The following HMX1 variants were observed in gnomAD, a reference collection of about 807,000 sequenced individuals.
HMX1 encodes H6 family homeobox 1.
HMX1 carries 8 observed loss-of-function variants against 8.9 expected under a neutral mutation model. The ratio of observed to expected loss-of-function variants is 0.90; its 90% confidence interval spans 0.53 to 1.63. HMX1 has a LOEUF of 1.63. Among genes scored for constraint, HMX1 ranks in the 40% most tolerant of loss-of-function variants. The pLI, the probability that HMX1 is intolerant of heterozygous loss-of-function variation, is 0.00. For missense variants in HMX1, 621 were observed against 558.5 expected (o/e 1.11, Z -1.13); for synonymous variants, 311 against 283.4 (o/e 1.10, Z -0.98).
chr4:8,862,108 A>G (rs189992303), downstream of HMX1, among the ~76,000 whole-genome samples: 1,248 of 152,354 alleles, frequency 8.2e-3, 12 homozygotes, highest in South Asian at 0.02. Context: ...CGGAGGGGGC[A>G]CCACGACCAG....
chr4:8,858,357 G>A (rs1265336999), intron 1 of HMX1, among the ~76,000 whole-genome samples: 1 of 152,172 alleles, frequency 6.6e-6, no homozygotes, highest in Non-Finnish European at 1.5e-5. Flanking sequence ...GAGCGAGACA[G>A]ACACACCGAG....
chr4:8,857,294 G>GCC (rs561445656), intron 1 of HMX1, among the ~76,000 whole-genome samples: 139 of 152,270 alleles, frequency 9.1e-4, no homozygotes, highest in African/African-American at 3.2e-3. Flanking sequence ...CGCCAACCTC[G>GCC]CCCAGCCGGA....
intron 1 of HMX1, among the ~76,000 whole-genome samples, chr4:8,861,866 G>A (rs1449951203): frequency 6.6e-6 from 1 of 152,256 alleles, no homozygotes; most frequent in African/African-American, 2.4e-5. Flanking sequence ...GAAGTGCCCG[G>A]AAACCAAAGA....
At chr4:8,854,206 C>T (rs1721539832) in intron 1 of HMX1, among the ~76,000 whole-genome samples, 1 of 152,180 alleles carries the variant, frequency 6.6e-6, no homozygotes, top group South Asian at 2.1e-4. Context: ...TGCTACACCT[C>T]CAGGGAAGTG....
rs1193989748 is a variant in HMX1, at chr4:8,868,128, C to T, written c.612G>A (p.Lys204=). 5 of 1,513,820 alleles carry T rather than the reference C, an allele frequency of 3.3e-6. No individual in the cohort carries two copies. Among genetic ancestry groups the T allele is most frequent in the Admixed American group, 2.1e-5 (1 of 48,442 alleles). 93.8% of individuals were successfully genotyped at this position (1,513,820 alleles called of 1,614,324 possible). ...TGCGGGAGAAGACTGTGCGCGTCTTCTTCTTTCGGCCGCCGCCCACGCCAA... is the reference window on the plus strand; with the variant it reads ...TGCGGGAGAAGACTGTGCGCGTCTTTTTCTTTCGGCCGCCGCCCACGCCAA... ...GGVGVGGGRK[K]KTRTVFSRSQ... The change falls in exon 2 of 2, where the codon AAG becomes AAA. Residue 204 remains lysine, a synonymous_variant. Transcript: ENST00000400677. This position sits in a 1 kb window ranked among gnomAD's most constrained non-coding sequence, Gnocchi z 4.6.
intron 1 of HMX1, among the ~76,000 whole-genome samples, chr4:8,856,495 G>A (rs780296963): frequency 1.4e-4 from 21 of 152,064 alleles, no homozygotes; most frequent in Non-Finnish European, 2.9e-4. Flanking sequence ...CAGGGGAAGG[G>A]GAGGAAGAAG....
chr4:8,854,185 T>A (rs1721539274), intron 1 of HMX1, among the ~76,000 whole-genome samples: 1 of 151,358 alleles, frequency 6.6e-6, no homozygotes, highest in Non-Finnish European at 1.5e-5. Flanking sequence ...CAGTGGGGGG[T>A]CGACAGATCC....
intron 1 of HMX1, among the ~76,000 whole-genome samples, chr4:8,850,946 C>G (rs1721429803): frequency 2.0e-5 from 3 of 152,258 alleles, no homozygotes; most frequent in African/African-American, 7.2e-5. Context: ...CAGCTGCCCC[C>G]TTGGCCGGAC....
chr4:8,855,871 GGA>G (rs1172463962), intron 1 of HMX1, among the ~76,000 whole-genome samples: 1 of 152,186 alleles, frequency 6.6e-6, no homozygotes, highest in Non-Finnish European at 1.5e-5. Context: ...GGATCCAGCG[GGA>G]GCTGGAAAGA....
chr4:8,852,642 G>T (rs1445193414), intron 1 of HMX1, among the ~76,000 whole-genome samples: 3 of 152,216 alleles, frequency 2.0e-5, no homozygotes, highest in African/African-American at 7.2e-5. Flanking sequence ...CAGGTCACTG[G>T]TGCAGCTGAA....
intron 1 of HMX1, among the ~76,000 whole-genome samples, chr4:8,860,030 GGGCCAACGGCGGT>G (rs1560174819): frequency 6.6e-6 from 1 of 152,232 alleles, no homozygotes; most frequent in Non-Finnish European, 1.5e-5. Context: ...AGCCCCGACG[GGGCCAACGGCGGT>G]GCTGACAGCG....
downstream of HMX1, among the ~76,000 whole-genome samples, chr4:8,866,745 TCA>T (rs1440890401): frequency 1.3e-5 from 2 of 152,240 alleles, no homozygotes; most frequent in Non-Finnish European, 2.9e-5. Context: ...CCAGCGGCCA[TCA>T]GTGGGCCTCT....
In HMX1 at chr4:8,871,176, G is replaced by T; in HGVS notation, c.394+45C>A. The T allele has an allele frequency of 7.4e-7, 1 of 1,353,990 alleles. No individual in the cohort carries two copies. Among genetic ancestry groups the T allele is most frequent in the Non-Finnish European group, 9.5e-7 (1 of 1,053,258 alleles). The allele number at this position is 1,353,990 out of a possible 1,614,324, so 83.9% of individuals were successfully genotyped here. A position where few individuals can be genotyped will look rare whatever the true frequency, so the allele number is the denominator to read the frequency against. ...CCCCCAGCAAATGCGCAGGGAGGAA[G>T]TCGGGCCCCACCGCCTGACCCACCC... On this transcript the variant is annotated intron_variant, in intron 1 of 1. Coordinates refer to ENST00000400677, the MANE Select transcript of HMX1 (RefSeq NM_018942.3). This position sits in a 1 kb window ranked among gnomAD's most constrained non-coding sequence, Gnocchi z 4.8.
intron 1 of HMX1, among the ~76,000 whole-genome samples, chr4:8,854,875 T>C (rs1486770187): frequency 6.6e-6 from 1 of 152,238 alleles, no homozygotes; most frequent in Non-Finnish European, 1.5e-5. Flanking sequence ...TTCATTCTAC[T>C]TCCTAAAATG....
chr4:8,858,107 C>T (rs1321120635), intron 1 of HMX1, among the ~76,000 whole-genome samples: 2 of 151,974 alleles, frequency 1.3e-5, no homozygotes, highest in Non-Finnish European at 2.9e-5. Context: ...GGGCAGCAGG[C>T]CGACCGCCCC....
At chr4:8,855,612 C>T (rs1721587242) in intron 1 of HMX1, among the ~76,000 whole-genome samples, 1 of 152,302 alleles carries the variant, frequency 6.6e-6, no homozygotes, top group African/African-American at 2.4e-5. Flanking sequence ...TGGCACTTAG[C>T]AAGGTCAAGG....
chr4:8,861,789 C>G (rs1721834934), intron 1 of HMX1, among the ~76,000 whole-genome samples: 1 of 152,264 alleles, frequency 6.6e-6, no homozygotes, highest in African/African-American at 2.4e-5. Flanking sequence ...CGCCCATCCT[C>G]TTGATGGCGG....
intron 1 of HMX1, among the ~76,000 whole-genome samples, chr4:8,858,051 TAAG>T (rs1034910074): frequency 6.6e-6 from 1 of 151,846 alleles, no homozygotes; most frequent in Non-Finnish European, 1.5e-5. Flanking sequence ...CGATGTACTG[TAAG>T]ACGGGGATCA....
rs1722196994 is a variant in HMX1, at chr4:8,871,084, C to G, written c.394+137G>C. The G allele has an allele frequency of 9.8e-7, 1 of 1,019,244 alleles. No homozygotes were observed. Among genetic ancestry groups the G allele is most frequent in the African/African-American group, 1.7e-5 (1 of 58,110 alleles). 63.1% of individuals were successfully genotyped at this position (1,019,244 alleles called of 1,614,324 possible). On this transcript the variant is annotated intron_variant, in intron 1 of 1. Transcript: ENST00000400677. This position sits in a 1 kb window ranked among gnomAD's most constrained non-coding sequence, Gnocchi z 4.8. ...CAACCAGGGGCTCCTGGGGGCCCCA[C>G]AAGGCCCAGACGCCGTTCCACAGAA...
Sources: allele counts gnomAD v4.1 joint callset (sites outside exome capture counted in the v4.1 genomes callset), GRCh38; gene constraint gnomAD v4.1.1; non-coding constraint Gnocchi (gnomAD v3.1); transcripts MANE v1.5; gene names NCBI Gene and HGNC (gene_info 2026-07-23, HGNC 2026-07-21).